Variants in GPC5 observed in about 807,000 individuals in gnomAD.
GPC5 encodes glypican-5.
Under a neutral mutation model 53.9 loss-of-function variants are expected in GPC5, and 47 were observed. The observed-to-expected ratio is 0.87, with a 90% confidence interval of 0.69 to 1.11. GPC5 has a LOEUF of 1.11. Among genes scored for constraint, GPC5 ranks in the 50% most tolerant of loss-of-function variants. GPC5 has a pLI of 0.00. For synonymous variants in GPC5, 286 were observed against 263.3 expected (o/e 1.09, Z -0.84); for missense variants, 748 against 713.1 (o/e 1.05, Z -0.56).
In GPC5 at chr13:92,290,475, TC is replaced by T. The variant is rs537171899; in HGVS notation, c.1561+145488del. Among the ~76,000 whole-genome samples the T allele has an allele frequency of 2.8e-4, 42 of 152,282 alleles. 1 individual carries two copies. In the South Asian group the frequency reaches 8.5e-3, roughly 31 times the overall value. ...CTGCACCCTATTTGTAGTCTTTTTT[TC>T]CTCACCCCCTTCTGACCCTTTCCCC... On this transcript the variant is annotated intron_variant, in intron 7 of 7. Coordinates refer to ENST00000377067, the MANE Select transcript of GPC5 (RefSeq NM_004466.6).
At chr13:92,249,760 T>C (rs1213690547) in intron 7 of GPC5, among the ~76,000 whole-genome samples, 3 of 151,990 alleles carry the variant, frequency 2.0e-5, no homozygotes, top group African/African-American at 7.3e-5. Flanking sequence ...ATGTTGGTTG[T>C]TTAATTGCTT....
chr13:91,636,117 A>G (rs906263906), intron 2 of GPC5, among the ~76,000 whole-genome samples: 3 of 152,118 alleles, frequency 2.0e-5, no homozygotes, highest in African/African-American at 7.2e-5. Flanking sequence ...GTTATATGAT[A>G]CATCAAAAAT....
In GPC5 at chr13:91,837,869, A is replaced by C. The variant is rs542438374; in HGVS notation, c.1281-70068A>C. On this transcript the variant is annotated intron_variant, in intron 5 of 7. Coordinates refer to ENST00000377067, the MANE Select transcript of GPC5 (RefSeq NM_004466.6). ...AGGTAAAGCCATGAATTTGGATGTC[A>C]TGGTGATTGGTAAAAAATGACATGG... 5.4e-4 allele frequency among the ~76,000 whole-genome samples: 82 copies of C among 152,246 alleles called. 1 individual carries two copies. Among genetic ancestry groups the C allele is most frequent in the African/African-American group, 1.9e-3 (80 of 41,552 alleles).
chr13:92,077,348 T>C (rs2041260057), intron 6 of GPC5, among the ~76,000 whole-genome samples: 1 of 152,196 alleles, frequency 6.6e-6, no homozygotes, highest in Admixed American at 6.5e-5. Flanking sequence ...GGATTTCCAC[T>C]GTTAATATTA....
chr13:91,598,060 T>G (rs1413304651), intron 2 of GPC5, among the ~76,000 whole-genome samples: 1 of 152,310 alleles, frequency 6.6e-6, no homozygotes, highest in Admixed American at 6.5e-5. Flanking sequence ...CGAGTCTATC[T>G]TCTTTAAAAC....
intron 2 of GPC5, among the ~76,000 whole-genome samples, chr13:91,528,882 G>A (rs963634634): frequency 5.9e-5 from 9 of 152,160 alleles, no homozygotes; most frequent in Admixed American, 5.9e-4. Flanking sequence ...AACCATCAGA[G>A]TGCGTGAGAA....
chr13:92,799,266 A>G (rs983632806), intron 7 of GPC5, among the ~76,000 whole-genome samples: 5 of 151,950 alleles, frequency 3.3e-5, no homozygotes, highest in African/African-American at 1.2e-4. Flanking sequence ...TAAAAATCTC[A>G]GATAAAGCTA....
intron 7 of GPC5, among the ~76,000 whole-genome samples, chr13:92,823,906 A>G (rs1335060820): frequency 6.6e-6 from 1 of 151,778 alleles, no homozygotes; most frequent in Non-Finnish European, 1.5e-5. Flanking sequence ...TACCAACTCA[A>G]TTTCCCCAGA....
chr13:92,159,590 G>GTTT (rs2041971034), intron 7 of GPC5, among the ~76,000 whole-genome samples: 1 of 61,590 alleles, frequency 1.6e-5, no homozygotes. Flanking sequence ...TAATACCAAT[G>GTTT]TTCTTTTTTT....
At chr13:91,544,928 G>T (rs1279067330) in intron 2 of GPC5, among the ~76,000 whole-genome samples, 1 of 152,156 alleles carries the variant, frequency 6.6e-6, no homozygotes, top group Non-Finnish European at 1.5e-5. Context: ...CACTCATGTG[G>T]TTGTTGACTG....
At chr13:91,445,353 T>G (rs1880718040) in intron 1 of GPC5, among the ~76,000 whole-genome samples, 1 of 152,112 alleles carries the variant, frequency 6.6e-6, no homozygotes, top group Non-Finnish European at 1.5e-5. Context: ...GTGGGACGCA[T>G]AGACAGCGGA....
intron 7 of GPC5, among the ~76,000 whole-genome samples, chr13:92,220,668 C>A (rs372479016): frequency 2.0e-5 from 3 of 152,142 alleles, no homozygotes; most frequent in Admixed American, 1.3e-4. Flanking sequence ...TATTGTCTAG[C>A]ATTTGTGTAT....
At chr13:92,303,731 T>A (rs1333826889) in intron 7 of GPC5, among the ~76,000 whole-genome samples, 1 of 152,054 alleles carries the variant, frequency 6.6e-6, no homozygotes, top group East Asian at 1.9e-4. Flanking sequence ...AAATCTGAAA[T>A]CAGAAAGCAA....
chr13:92,137,919 G>C (rs1225078304), intron 6 of GPC5, among the ~76,000 whole-genome samples: 2 of 152,138 alleles, frequency 1.3e-5, no homozygotes, highest in Non-Finnish European at 2.9e-5. Flanking sequence ...TATGGATTCT[G>C]GGTGATGGTG....
intron 7 of GPC5, among the ~76,000 whole-genome samples, chr13:92,441,595 AAG>A (rs1233482211): frequency 6.6e-5 from 10 of 152,214 alleles, no homozygotes; most frequent in Admixed American, 6.5e-4. Context: ...ATAGCCACAA[AAG>A]AGTAAAATAC....
At chr13:92,479,190 T>C (rs1879258634) in intron 7 of GPC5, among the ~76,000 whole-genome samples, 1 of 152,176 alleles carries the variant, frequency 6.6e-6, no homozygotes, top group African/African-American at 2.4e-5. Context: ...GGGTTTAACA[T>C]ACTTCATCTG....
At chr13:92,059,564 A>G (rs1325889951) in intron 6 of GPC5, among the ~76,000 whole-genome samples, 3 of 151,984 alleles carry the variant, frequency 2.0e-5, no homozygotes, top group South Asian at 4.1e-4. Flanking sequence ...AATTCACTCA[A>G]TAGTATATTA....
At chr13:91,900,969 A>G (rs1242875757) in intron 5 of GPC5, among the ~76,000 whole-genome samples, 1 of 152,110 alleles carries the variant, frequency 6.6e-6, no homozygotes, top group Non-Finnish European at 1.5e-5. Context: ...TAGGGTGAAC[A>G]GTGATTAATA....
At chr13:92,449,514 T>C (rs1195984611) in intron 7 of GPC5, among the ~76,000 whole-genome samples, 2 of 152,216 alleles carry the variant, frequency 1.3e-5, no homozygotes, top group Non-Finnish European at 1.5e-5. Flanking sequence ...CATGACTGTA[T>C]GCTGTATTTT....
Sources: gnomAD v4.1 joint callset for allele counts (sites outside exome capture counted in the v4.1 genomes callset) on GRCh38, gnomAD v4.1.1 for gene constraint, MANE v1.5 for transcripts, NCBI Gene and HGNC (gene_info 2026-07-23, HGNC 2026-07-21) for gene names.